QTMAN: variants seen among roughly 807,000 people sequenced by gnomAD.
QTMAN encodes tRNA-queuosine alpha-mannosyltransferase.
chr2:144,239,488 T>C, the QTMAN span, among the ~76,000 whole-genome samples: 1 of 152,142 alleles, frequency 6.6e-6, no homozygotes. Context: ...TGCTGCTGAC[T>C]TTGACTGGTG....
At chr2:144,203,190 T>TGC in the QTMAN span, among the ~76,000 whole-genome samples, 7 of 140,942 alleles carry the variant, frequency 5.0e-5, no homozygotes, top group East Asian at 1.0e-3. Flanking sequence ...TGTGTGTGTG[T>TGC]GCACGTGCGC....
At chr2:144,085,302 G>C in the QTMAN span, among the ~76,000 whole-genome samples, 1 of 152,218 alleles carries the variant, frequency 6.6e-6, no homozygotes, top group East Asian at 1.9e-4. Flanking sequence ...TGCACTAAAA[G>C]TCAGTTTTAT....
At chr2:144,331,358 A>G in the QTMAN span, among the ~76,000 whole-genome samples, 1 of 152,126 alleles carries the variant, frequency 6.6e-6, no homozygotes, top group South Asian at 2.1e-4. Flanking sequence ...CTTCTTTTTC[A>G]GCAGCTCCTT....
chr2:143,970,375 GTGT>G, the QTMAN span, among the ~76,000 whole-genome samples: 1 of 152,188 alleles, frequency 6.6e-6, no homozygotes, highest in East Asian at 1.9e-4. Flanking sequence ...CTTTCCTTAA[GTGT>G]TAAGATGCCT....
At chr2:143,953,763 T>G in the QTMAN span, among the ~76,000 whole-genome samples, 1 of 151,938 alleles carries the variant, frequency 6.6e-6, no homozygotes, top group African/African-American at 2.4e-5. Context: ...TGAGAAACTT[T>G]GAATTGCATC....
At chr2:144,303,793 T>C in the QTMAN span, among the ~76,000 whole-genome samples, 1 of 152,142 alleles carries the variant, frequency 6.6e-6, no homozygotes, top group Non-Finnish European at 1.5e-5. Context: ...TAGACAATAA[T>C]GGCAGCAATG....
chr2:144,012,852 G>A, the QTMAN span, among the ~76,000 whole-genome samples: 1 of 152,074 alleles, frequency 6.6e-6, no homozygotes, highest in Non-Finnish European at 1.5e-5. Context: ...CCATATTTGA[G>A]CCAGTGAAGA....
At chr2:144,133,102 A>C in the QTMAN span, among the ~76,000 whole-genome samples, 1 of 71,954 alleles carries the variant, frequency 1.4e-5, no homozygotes, top group Non-Finnish European at 2.5e-5. Flanking sequence ...ATTACCCAAA[A>C]TGGAATGACT....
chr2:144,214,560 G>C, the QTMAN span, among the ~76,000 whole-genome samples: 3 of 152,132 alleles, frequency 2.0e-5, no homozygotes, highest in Admixed American at 6.5e-5. Context: ...TGTTGTAGTT[G>C]TGTACTACCA....
the QTMAN span, among the ~76,000 whole-genome samples, chr2:144,220,463 G>T: frequency 6.6e-6 from 1 of 152,172 alleles, no homozygotes; most frequent in Non-Finnish European, 1.5e-5. Flanking sequence ...TAGTGGCCTT[G>T]CCTATCTCTT....
chr2:143,959,748 A>G, the QTMAN span, among the ~76,000 whole-genome samples: 2 of 151,056 alleles, frequency 1.3e-5, no homozygotes, highest in African/African-American at 5.0e-5. Flanking sequence ...AGGTTATAAA[A>G]TATTTTTTTG....
At chr2:144,141,833 G>A in the QTMAN span, 5 of 1,364,602 alleles carry the variant, frequency 3.7e-6, no homozygotes, top group Non-Finnish European at 5.1e-6. Flanking sequence ...TTATACATTT[G>A]AGGAATAATT....
At chr2:144,294,732 G>C in the QTMAN span, among the ~76,000 whole-genome samples, 1 of 152,048 alleles carries the variant, frequency 6.6e-6, no homozygotes, top group African/African-American at 2.4e-5. Context: ...AAACAAATTG[G>C]ACTTGTTCAG....
chr2:144,332,284 C>G, the QTMAN span, among the ~76,000 whole-genome samples: 1 of 150,710 alleles, frequency 6.6e-6, no homozygotes, highest in Non-Finnish European at 1.5e-5. Flanking sequence ...ACACCCCCCG[C>G]CCCCGGCTCC....
chr2:144,255,405 T>C, the QTMAN span, among the ~76,000 whole-genome samples: 1,356 of 152,186 alleles, frequency 8.9e-3, 11 homozygotes, highest in Non-Finnish European at 0.015. Flanking sequence ...TCTTTGGCCG[T>C]GATGTGAAGG....
chr2:144,284,456 T>C, the QTMAN span, among the ~76,000 whole-genome samples: 4 of 152,152 alleles, frequency 2.6e-5, no homozygotes, highest in South Asian at 8.3e-4. Flanking sequence ...CATTATGATC[T>C]TGACCATGGA....
the QTMAN span, among the ~76,000 whole-genome samples, chr2:144,143,266 T>A: frequency 6.6e-6 from 1 of 151,914 alleles, no homozygotes; most frequent in African/African-American, 2.4e-5. Context: ...GTATACAAGA[T>A]TAAAGGGATA....
At chr2:144,239,310 GTA>G in the QTMAN span, among the ~76,000 whole-genome samples, 1 of 152,130 alleles carries the variant, frequency 6.6e-6, no homozygotes, top group Non-Finnish European at 1.5e-5. Flanking sequence ...CAAAACAAGT[GTA>G]TAACCTCTTA....
chr2:144,139,038 G>A, the QTMAN span, among the ~76,000 whole-genome samples: 2 of 152,048 alleles, frequency 1.3e-5, no homozygotes, highest in African/African-American at 4.8e-5. Context: ...GGATATGCAA[G>A]AGAGTAAACA....
Sources: allele counts gnomAD v4.1 joint callset (sites outside exome capture counted in the v4.1 genomes callset), GRCh38; gene constraint gnomAD v4.1.1; transcripts MANE v1.5; gene names NCBI Gene and HGNC (gene_info 2026-07-23, HGNC 2026-07-21).